TBL1X: variants seen among roughly 807,000 people sequenced by gnomAD.
The protein encoded by TBL1X is F-box-like/WD repeat-containing protein TBL1X.
Under a neutral mutation model 50.7 loss-of-function variants are expected in TBL1X, and 10 were observed. The ratio of observed to expected loss-of-function variants is 0.20; its 90% CI spans 0.12 to 0.33. The LOEUF is 0.33. TBL1X is among the 10% of genes least tolerant of loss of function. The pLI, the probability that TBL1X is intolerant of heterozygous loss-of-function variation, is 1.00. For synonymous variants in TBL1X, 190 were observed against 214.7 expected (o/e 0.88, Z 1.01); for missense variants, 340 against 504.4 (o/e 0.67, Z 3.12).
chrX:9,597,816 C>A (rs1297046077), intron 2 of TBL1X, among the ~76,000 whole-genome samples: 1 of 111,764 alleles, frequency 8.9e-6, no homozygotes. Flanking sequence ...GTAACCCCAG[C>A]TCCAGTGTTG....
At chrX:9,491,558 C>A (rs1804409662) in intron 1 of TBL1X, among the ~76,000 whole-genome samples, 1 of 108,441 alleles carries the variant, frequency 9.2e-6, no homozygotes, top group Non-Finnish European at 1.9e-5. Context: ...TTTGTTTCTA[C>A]TCTGCACAGT....
At chrX:9,713,815 C>T (rs1424241467) in intron 16 of TBL1X, among the ~76,000 whole-genome samples, 2 of 110,157 alleles carry the variant, frequency 1.8e-5, no homozygotes, top group Non-Finnish European at 3.8e-5. Context: ...TGTAATACTG[C>T]CGACACACAC....
intron 12 of TBL1X, 90 bp from the exon 13 acceptor site, chrX:9,704,903 A>G (rs1313487204): frequency 1.7e-6 from 2 of 1,165,603 alleles, no homozygotes; most frequent in African/African-American, 3.6e-5. Context: ...AGTAAACTAA[A>G]GAGGCTTCTT....
chrX:9,665,539 A>ATATATATATATATAT (rs3043954), intron 5 of TBL1X, among the ~76,000 whole-genome samples: 79 of 62,836 alleles, frequency 1.3e-3, no homozygotes, highest in Admixed American at 2.1e-3. Flanking sequence ...ATATATATAT[A>ATATATATATATATAT]AAAGGCCTTG....
chrX:9,700,564 C>CT (rs1220949401), intron 12 of TBL1X, among the ~76,000 whole-genome samples: 3 of 111,448 alleles, frequency 2.7e-5, no homozygotes, highest in Non-Finnish European at 3.8e-5. Context: ...TACTTGCTCT[C>CT]TTTTTGGTGT....
At chrX:9,693,507 C>A in intron 11 of TBL1X, 88 bp downstream of exon 11, 1 of 879,739 alleles carries the variant, frequency 1.1e-6, no homozygotes. Context: ...TCTTGGAACT[C>A]GTAGGCTTTG....
intron 2 of TBL1X, among the ~76,000 whole-genome samples, chrX:9,576,930 T>C (rs769377049): frequency 9.2e-6 from 1 of 109,209 alleles, no homozygotes; most frequent in Non-Finnish European, 1.9e-5. Flanking sequence ...AGCCTGGGAG[T>C]TCAAGGTTGC....
At chrX:9,681,052 A>G (rs2083022606) in intron 5 of TBL1X, among the ~76,000 whole-genome samples, 1 of 112,479 alleles carries the variant, frequency 8.9e-6, no homozygotes, top group African/African-American at 3.2e-5. Flanking sequence ...GTTGGAGAGC[A>G]TAATCATGTA....
At chrX:9,555,722 G>C (rs931675103) in intron 2 of TBL1X, among the ~76,000 whole-genome samples, 44 of 111,957 alleles carry the variant, frequency 3.9e-4, no homozygotes, top group Admixed American at 3.2e-3. Context: ...CTCTCTCAGA[G>C]AACTTTCTGA....
At chrX:9,694,556 C>T (rs1308651064) in intron 11 of TBL1X, among the ~76,000 whole-genome samples, 3 of 111,567 alleles carry the variant, frequency 2.7e-5, no homozygotes, top group Non-Finnish European at 5.6e-5. Context: ...GAGATTGCGC[C>T]TCTGCACTCC....
intron 2 of TBL1X, among the ~76,000 whole-genome samples, chrX:9,633,547 C>T (rs1344768990): frequency 1.8e-5 from 2 of 112,030 alleles, no homozygotes; most frequent in African/African-American, 6.5e-5. Flanking sequence ...ATGAGGCTCA[C>T]ACAGAACTGC....
At chrX:9,602,671 A>G (rs2082562805) in intron 2 of TBL1X, among the ~76,000 whole-genome samples, 1 of 112,110 alleles carries the variant, frequency 8.9e-6, no homozygotes, top group Non-Finnish European at 1.9e-5. Flanking sequence ...ACTTTCTCAC[A>G]CTAAATGGAT....
chrX:9,478,654 A>G (rs1020713336), intron 1 of TBL1X, among the ~76,000 whole-genome samples: 3 of 112,270 alleles, frequency 2.7e-5, no homozygotes, highest in Non-Finnish European at 5.6e-5. Flanking sequence ...CTGCTAAGGC[A>G]AAGACATGAA....
chrX:9,573,343 A>C lies in TBL1X; in HGVS notation c.-130-66930A>C, dbSNP rs150973842. ...ATGTGACCAGTGTTTGGTTTATAAAAATTTTTCTCTAAAACACCAACTTTT... is the reference window on the plus strand; with the variant it reads ...ATGTGACCAGTGTTTGGTTTATAAACATTTTTCTCTAAAACACCAACTTTT... On this transcript the variant is annotated intron_variant, in intron 2 of 17. Transcript: ENST00000645353. Among the ~76,000 whole-genome samples, 928 of 112,390 alleles carry C rather than the reference A, an allele frequency of 8.3e-3. 9 individuals are homozygous for C. Among genetic ancestry groups the C allele is most frequent in the African/African-American group, 0.028 (868 of 30,934 alleles).
rs1210078957 is a variant in TBL1X, at chrX:9,709,756, G to T, written c.1435G>T (p.Ala479Ser). Residue 479 changes from alanine to serine, a missense_variant, in exon 15 of 18, where the codon GCA (alanine) becomes TCA (serine). Transcript: ENST00000645353. The part of the protein sequence containing the change: ...TSNPNSNIML[A>S]SASFDSTVRL... ...CAACCCAAACTCCAACATCATGTTGGCAAGGTAAGGGCAGGCAACACAGCT... is the reference window on the plus strand; with the variant it reads ...CAACCCAAACTCCAACATCATGTTGTCAAGGTAAGGGCAGGCAACACAGCT... 3 of 1,208,756 alleles carry T rather than the reference G, an allele frequency of 2.5e-6. No individual in the cohort carries two copies. Among genetic ancestry groups the T allele is most frequent in the Non-Finnish European group, 3.4e-6 (3 of 893,890 alleles).
chrX:9,615,589 T>G (rs2082635271), intron 2 of TBL1X, among the ~76,000 whole-genome samples: 1 of 112,254 alleles, frequency 8.9e-6, no homozygotes, highest in African/African-American at 3.2e-5. Context: ...TTTGAGTATA[T>G]CCTGTCTCTT....
At chrX:9,557,209 G>A (rs1384657121) in intron 2 of TBL1X, among the ~76,000 whole-genome samples, 2 of 112,042 alleles carry the variant, frequency 1.8e-5, no homozygotes, top group African/African-American at 3.2e-5. Context: ...TAACCCCAAC[G>A]CCCTACTTTG....
intron 1 of TBL1X, among the ~76,000 whole-genome samples, chrX:9,500,296 A>AG (rs2081994025): frequency 3.2e-5 from 2 of 62,192 alleles, no homozygotes; most frequent in Middle Eastern, 8.3e-3. Context: ...AAAAAAAAAA[A>AG]GCAAGAAAAA....
intron 2 of TBL1X, among the ~76,000 whole-genome samples, chrX:9,618,676 C>T (rs1455451653): frequency 9.0e-6 from 1 of 111,399 alleles, no homozygotes; most frequent in Non-Finnish European, 1.9e-5. Flanking sequence ...GAGACTGTCT[C>T]AAAAAATAAT....
Sources: gnomAD v4.1 joint callset for allele counts (sites outside exome capture counted in the v4.1 genomes callset) on GRCh38, gnomAD v4.1.1 for gene constraint, MANE v1.5 for transcripts, NCBI Gene and HGNC (gene_info 2026-07-23, HGNC 2026-07-21) for gene names.